The following RAB3GAP2 variants were observed in gnomAD, a reference collection of about 807,000 sequenced individuals.
RAB3GAP2 encodes rab3 GTPase-activating protein non-catalytic subunit.
A neutral mutation model predicts 185.3 loss-of-function variants in RAB3GAP2; 87 were observed. That is an observed-to-expected ratio of 0.47 (90% confidence interval 0.39 to 0.56). The LOEUF (loss-of-function observed/expected upper bound fraction) is 0.56. Ranked by LOEUF, RAB3GAP2 falls within the 20% of genes least tolerant of loss-of-function variation. RAB3GAP2 has a pLI of 0.00. For synonymous variants in RAB3GAP2, 554 were observed against 576.1 expected, an observed-to-expected ratio of 0.96 and a Z score of 0.55; for missense variants, 1,492 against 1,638.2, an observed-to-expected ratio of 0.91 and a Z score of 1.54.
At chr1:220,216,319 G>A (rs1164964519) in intron 2 of RAB3GAP2, among the ~76,000 whole-genome samples, 1 of 152,164 alleles carries the variant, frequency 6.6e-6, no homozygotes, top group African/African-American at 2.4e-5. Context: ...TGTTTTTAAT[G>A]TTTGTTTTTC....
chr1:220,178,222 A>G (rs772077885), intron 21 of RAB3GAP2, among the ~76,000 whole-genome samples: 1 of 152,180 alleles, frequency 6.6e-6, no homozygotes, highest in Non-Finnish European at 1.5e-5. Context: ...GAAAAAGGGA[A>G]ATAAAAGATT....
chr1:220,268,575 A>G (rs2102538931), intron 1 of RAB3GAP2, among the ~76,000 whole-genome samples: 1 of 152,344 alleles, frequency 6.6e-6, no homozygotes, highest in African/African-American at 2.4e-5. Context: ...GTAAAGCTAA[A>G]AAATTGGAAG....
chr1:220,257,937 A>G (rs1660060845), intron 1 of RAB3GAP2, among the ~76,000 whole-genome samples: 1 of 152,186 alleles, frequency 6.6e-6, no homozygotes, highest in African/African-American at 2.4e-5. Context: ...ACCCTCAGAG[A>G]ATACTATAAA....
intron 21 of RAB3GAP2, among the ~76,000 whole-genome samples, chr1:220,174,930 TC>T (rs1558144834): frequency 6.6e-6 from 1 of 152,188 alleles, no homozygotes; most frequent in Non-Finnish European, 1.5e-5. Context: ...TTTCCTCTCT[TC>T]TAGACTTCCC....
intron 1 of RAB3GAP2, among the ~76,000 whole-genome samples, chr1:220,237,687 A>G (rs1221777103): frequency 2.6e-5 from 4 of 152,198 alleles, no homozygotes; most frequent in East Asian, 1.9e-4. Context: ...TGCATGGATC[A>G]CCTAAAGGAT....
rs886822096 is a variant in RAB3GAP2 at position 220,199,768 on chromosome 1, T to G, written c.811+2508A>C. The stretch of plus-strand genomic sequence containing the variant: ...CTCAAACTTAAAAATTAAGAAACCC[T>G]TAATTCTTTCCTTCCTCTTGTTTCT... On this transcript the variant is annotated intron_variant, in intron 9 of 34. Transcript: ENST00000358951. Among the ~76,000 whole-genome samples the G allele has an allele frequency of 2.6e-5, 4 of 152,286 alleles. No homozygotes were observed. The East Asian group carries it at 7.7e-4, about 29-fold the overall frequency.
chr1:220,211,493 T>C (rs1331525595), intron 4 of RAB3GAP2: 6 of 387,496 alleles, frequency 1.5e-5, no homozygotes, highest in Admixed American at 3.5e-5. Context: ...TAGGAACTTA[T>C]GTATTTCAAC....
intron 21 of RAB3GAP2, 69 bp downstream of exon 21, chr1:220,182,188 A>G: frequency 2.3e-5 from 36 of 1,595,670 alleles, no homozygotes; most frequent in Non-Finnish European, 3.1e-5. Context: ...TTAAAAAAAA[A>G]AAGAAGACTG....
At chr1:220,218,084 C>A (rs1659230674) in intron 2 of RAB3GAP2, among the ~76,000 whole-genome samples, 1 of 152,206 alleles carries the variant, frequency 6.6e-6, no homozygotes, top group African/African-American at 2.4e-5. Flanking sequence ...CCCTAACCTG[C>A]TTAGCCATCT....
At chr1:220,251,916 G>A (rs898296486) in intron 1 of RAB3GAP2, among the ~76,000 whole-genome samples, 18 of 152,230 alleles carry the variant, frequency 1.2e-4, no homozygotes, top group Non-Finnish European at 2.6e-4. Flanking sequence ...ACGGAAAGCC[G>A]AGGTGGTGGG....
chr1:220,248,897 T>C (rs1269554387), intron 1 of RAB3GAP2, among the ~76,000 whole-genome samples: 1 of 152,196 alleles, frequency 6.6e-6, no homozygotes, highest in Non-Finnish European at 1.5e-5. Context: ...CCTGCCACCA[T>C]GTGAAGAAGG....
chr1:220,198,906 A>G (rs1658784328), intron 9 of RAB3GAP2, among the ~76,000 whole-genome samples: 1 of 152,180 alleles, frequency 6.6e-6, no homozygotes. Flanking sequence ...ACAATGTGAT[A>G]TATAAGGAGA....
chr1:220,197,309 G>A (rs937763032), intron 9 of RAB3GAP2, among the ~76,000 whole-genome samples: 2 of 151,696 alleles, frequency 1.3e-5, no homozygotes, highest in Non-Finnish European at 2.9e-5. Context: ...GTGCTGCTGT[G>A]CCTGACCTTA....
chr1:220,175,112 T>C (rs1658262089), intron 21 of RAB3GAP2, among the ~76,000 whole-genome samples: 1 of 152,178 alleles, frequency 6.6e-6, no homozygotes, highest in Admixed American at 6.5e-5. Flanking sequence ...GAGAGCAGAA[T>C]TTATCTTATA....
At position 220,210,981 on chromosome 1, in the gene RAB3GAP2, T is replaced by C. The variant is rs746312112; in HGVS notation, c.408A>G (p.Leu136=). ...VEEGECVTSA[L]CIPLASQKRS... is the part of the protein sequence containing the mutation. ...TCTTTTGGCTTGCTAGTGGGATACA[T>C]AGAGCACTGGTTACACATTCCCTAA... The change falls in exon 5 of 35, where the codon CTA becomes CTG. Residue 136 remains leucine, a synonymous_variant. Coordinates refer to ENST00000358951, the MANE Select transcript of RAB3GAP2 (RefSeq NM_012414.4). The C allele has an allele frequency of 3.7e-6, 6 of 1,613,760 alleles. No homozygotes were observed. In the African/African-American group the frequency reaches 4.0e-5, roughly 11 times the overall value.
chr1:220,195,409 T>C, intron 10 of RAB3GAP2, 32 bp from the exon 11 acceptor site: 1 of 1,533,756 alleles, frequency 6.5e-7, no homozygotes, highest in Non-Finnish European at 9.0e-7. Flanking sequence ...AGAGAAAACT[T>C]AGTAGCTTAC....
At chr1:220,218,289 A>G (rs1289342467) in intron 2 of RAB3GAP2, among the ~76,000 whole-genome samples, 1 of 152,172 alleles carries the variant, frequency 6.6e-6, no homozygotes, top group Non-Finnish European at 1.5e-5. Context: ...CTAAAAATAT[A>G]TCCTCCCAGT....
intron 8 of RAB3GAP2, among the ~76,000 whole-genome samples, chr1:220,203,626 A>G (rs747956958): frequency 6.6e-6 from 1 of 152,228 alleles, no homozygotes; most frequent in Non-Finnish European, 1.5e-5. Context: ...GATACCAATT[A>G]TAAAATTATT....
At chr1:220,163,448 C>T (rs1007243995) in intron 27 of RAB3GAP2, among the ~76,000 whole-genome samples, 14 of 150,744 alleles carry the variant, frequency 9.3e-5, no homozygotes, top group African/African-American at 1.5e-4. Flanking sequence ...CTGCAAGCTC[C>T]GCCTCCTGGG....
Sources: gnomAD v4.1 joint callset for allele counts (sites outside exome capture counted in the v4.1 genomes callset) on GRCh38, gnomAD v4.1.1 for gene constraint, MANE v1.5 for transcripts, NCBI Gene and HGNC (gene_info 2026-07-23, HGNC 2026-07-21) for gene names.